The following DPYS variants were observed in gnomAD, a reference collection of about 807,000 sequenced individuals.
DPYS encodes the protein dihydropyrimidinase, also known as dihydropyrimidine amidohydrolase.
A neutral mutation model predicts 50.3 loss-of-function variants in DPYS; 39 were observed. The ratio of observed to expected loss-of-function variants is 0.78; its 90% CI spans 0.60 to 1.01. DPYS has a LOEUF of 1.01. DPYS is among the 50% of genes least tolerant of loss of function. The pLI, the probability that DPYS is intolerant of heterozygous loss-of-function variation, is 0.00. For missense variants in DPYS, 659 were observed against 680.9 expected, an observed-to-expected ratio of 0.97 and a Z score of 0.36; for synonymous variants, 245 against 250.7, an observed-to-expected ratio of 0.98 and a Z score of 0.22.
At chr8:104,411,293 T>G (rs975327816) in intron 7 of DPYS, among the ~76,000 whole-genome samples, 6 of 152,290 alleles carry the variant, frequency 3.9e-5, no homozygotes, top group African/African-American at 1.4e-4. Flanking sequence ...CTCATCCCCC[T>G]CGCCTCCACC....
At chr8:104,443,872 G>A (rs917674397) in intron 4 of DPYS, among the ~76,000 whole-genome samples, 3 of 152,256 alleles carry the variant, frequency 2.0e-5, no homozygotes, top group East Asian at 1.9e-4. Context: ...CAGCCTGGGC[G>A]ACAAAGTGAG....
At chr8:104,387,210 C>T (rs1254837591) in intron 8 of DPYS, among the ~76,000 whole-genome samples, 1 of 152,114 alleles carries the variant, frequency 6.6e-6, no homozygotes, top group Non-Finnish European at 1.5e-5. Flanking sequence ...TGAGAAAGCC[C>T]TAGGTGCAAC....
intron 1 of DPYS, among the ~76,000 whole-genome samples, chr8:104,464,609 C>CT (rs1814289656): frequency 6.6e-6 from 1 of 152,188 alleles, no homozygotes; most frequent in South Asian, 2.1e-4. Context: ...ACAGAAAGGG[C>CT]TTGCACTATG....
At chr8:104,403,069 CTA>C (rs1300080889) in intron 7 of DPYS, among the ~76,000 whole-genome samples, 6 of 152,278 alleles carry the variant, frequency 3.9e-5, no homozygotes, top group African/African-American at 1.4e-4. Flanking sequence ...TGTTTTCACT[CTA>C]TTAAATCTTG....
At chr8:104,453,975 A>G (rs73293232) in intron 1 of DPYS, among the ~76,000 whole-genome samples, 1,841 of 152,328 alleles carry the variant, frequency 0.012, 31 homozygotes, top group African/African-American at 0.041. Flanking sequence ...TATTTATATG[A>G]AATGTCCAGA....
At chr8:104,403,892 T>A (rs1198568074) in intron 7 of DPYS, among the ~76,000 whole-genome samples, 2 of 152,188 alleles carry the variant, frequency 1.3e-5, no homozygotes, top group African/African-American at 4.8e-5. Context: ...AACTTCAAGT[T>A]CTGCAATCCT....
chr8:104,390,499 C>CTTT (rs551429478), intron 8 of DPYS, among the ~76,000 whole-genome samples: 2 of 141,776 alleles, frequency 1.4e-5, no homozygotes, highest in Non-Finnish European at 1.5e-5. Context: ...TTCTCTTTAA[C>CTTT]TTTTTTTTTT....
chr8:104,422,228 C>T (rs1812572750), intron 7 of DPYS, among the ~76,000 whole-genome samples: 1 of 152,186 alleles, frequency 6.6e-6, no homozygotes, highest in South Asian at 2.1e-4. Flanking sequence ...AGTCTCACCA[C>T]ACAATAAAGT....
chr8:104,383,072 G>C (rs1343801420), intron 8 of DPYS, among the ~76,000 whole-genome samples: 2 of 152,174 alleles, frequency 1.3e-5, no homozygotes, highest in Non-Finnish European at 2.9e-5. Flanking sequence ...CACAGGGCCT[G>C]TCCTCCTCAC....
chr8:104,381,355 C>T, intron 8 of DPYS, 41 bp from the exon 9 acceptor site: 1 of 1,588,238 alleles, frequency 6.3e-7, no homozygotes, highest in Non-Finnish European at 8.6e-7. Flanking sequence ...GGTTTATTTT[C>T]TTGAGTTCAA....
chr8:104,419,239 C>A (rs1176680792), intron 7 of DPYS, among the ~76,000 whole-genome samples: 1 of 152,220 alleles, frequency 6.6e-6, no homozygotes, highest in African/African-American at 2.4e-5. Context: ...TTTCCTCTCA[C>A]CATAGCCAGT....
chr8:104,435,813 C>T (rs930677773), intron 4 of DPYS, among the ~76,000 whole-genome samples: 2 of 152,026 alleles, frequency 1.3e-5, no homozygotes, highest in Non-Finnish European at 2.9e-5. Flanking sequence ...GGGAAAGAAT[C>T]CAGAGCTGTA....
intron 2 of DPYS, among the ~76,000 whole-genome samples, chr8:104,450,445 T>TA (rs1813699843): frequency 6.6e-6 from 1 of 152,220 alleles, no homozygotes; most frequent in African/African-American, 2.4e-5. Flanking sequence ...CTCTTTCTGG[T>TA]AAAAAGATTG....
intron 7 of DPYS, among the ~76,000 whole-genome samples, chr8:104,415,225 G>T (rs1812324594): frequency 6.6e-6 from 1 of 152,190 alleles, no homozygotes; most frequent in South Asian, 2.1e-4. Flanking sequence ...TCTATGTCAG[G>T]TAGGAAGAAA....
chr8:104,440,177 T>C (rs1025665843), intron 4 of DPYS, among the ~76,000 whole-genome samples: 1 of 152,196 alleles, frequency 6.6e-6, no homozygotes, highest in Admixed American at 6.5e-5. Flanking sequence ...AAGCTGTTAG[T>C]TGTTATCATT....
chr8:104,432,893 T>A (rs919344830), intron 4 of DPYS, among the ~76,000 whole-genome samples: 10 of 152,212 alleles, frequency 6.6e-5, no homozygotes, highest in African/African-American at 1.9e-4. Context: ...TCTGCCCAAA[T>A]CCACATGTTG....
chr8:104,445,937 C>T (rs578109119), intron 3 of DPYS, among the ~76,000 whole-genome samples: 2 of 151,998 alleles, frequency 1.3e-5, no homozygotes, highest in South Asian at 4.2e-4. Context: ...CCCAGCTACT[C>T]GGGAGGCTGA....
Position 104,466,662 on chromosome 8 carries a change from T to C in DPYS, c.259A>G (p.Thr87Ala). The part of the protein sequence containing the change: ...SRSIDDFHQG[T>A]KAALSGGTTM... ...GGGCGCGGCGGGGCGGGTACCTTGG[T>C]GCCCTGGTGGAAGTCGTCGATGGAC... is the stretch of plus-strand genomic sequence containing the variant. Residue 87 changes from threonine to alanine, a missense_variant, in exon 1 of 10, where the codon ACC (threonine) becomes GCC (alanine). Physicochemically the swap from Thr to Ala is moderately conservative, Grantham distance 58. Transcript: ENST00000351513. The C allele has an allele frequency of 6.6e-7, 1 of 1,516,988 alleles. No homozygotes were observed. Among genetic ancestry groups the C allele is most frequent in the Non-Finnish European group, 8.8e-7 (1 of 1,135,614 alleles). The allele number at this position is 1,516,988 out of a possible 1,614,324, so 94.0% of individuals were successfully genotyped here. A position where few individuals can be genotyped will look rare whatever the true frequency, so the allele number is the denominator to read the frequency against.
chr8:104,452,120 G>T (rs926387194), intron 1 of DPYS, among the ~76,000 whole-genome samples: 1 of 152,112 alleles, frequency 6.6e-6, no homozygotes, highest in African/African-American at 2.4e-5. Context: ...TGCACAAACT[G>T]GAATCTTCAT....
Sources: gnomAD v4.1 joint callset for allele counts (sites outside exome capture counted in the v4.1 genomes callset) on GRCh38, gnomAD v4.1.1 for gene constraint, MANE v1.5 for transcripts, NCBI Gene and HGNC (gene_info 2026-07-23, HGNC 2026-07-21) for gene names.